The following CSTPP1 variants were observed in gnomAD, a reference collection of about 807,000 sequenced individuals.
CSTPP1 encodes the protein UPF0705 protein C11orf49.
the CSTPP1 span, among the ~76,000 whole-genome samples, chr11:47,051,382 C>A: frequency 1.8e-4 from 27 of 152,112 alleles, no homozygotes; most frequent in Non-Finnish European, 1.8e-4. Context: ...CAGGAAAACC[C>A]AAAGGCAATG....
chr11:46,992,844 A>G, the CSTPP1 span, among the ~76,000 whole-genome samples: 1 of 152,222 alleles, frequency 6.6e-6, no homozygotes, highest in East Asian at 1.9e-4. Context: ...ACTAGTTTAC[A>G]GTCCCACCAA....
chr11:47,134,710 G>A, the CSTPP1 span, among the ~76,000 whole-genome samples: 2 of 152,184 alleles, frequency 1.3e-5, no homozygotes, highest in African/African-American at 4.8e-5. Flanking sequence ...ATAATGGGGA[G>A]CCTGGAACAG....
At chr11:47,071,644 GCTTA>G in the CSTPP1 span, among the ~76,000 whole-genome samples, 1 of 152,106 alleles carries the variant, frequency 6.6e-6, no homozygotes, top group Non-Finnish European at 1.5e-5. Context: ...GCTGGGTCGT[GCTTA>G]CTTATATAGT....
chr11:47,106,485 A>G, the CSTPP1 span, among the ~76,000 whole-genome samples: 1 of 152,144 alleles, frequency 6.6e-6, no homozygotes, highest in African/African-American at 2.4e-5. Context: ...TCTACTAAAA[A>G]TACAAAAATT....
At chr11:46,990,042 C>G in the CSTPP1 span, among the ~76,000 whole-genome samples, 1 of 152,170 alleles carries the variant, frequency 6.6e-6, no homozygotes. Flanking sequence ...TTATCCAGTT[C>G]ACCTTGATGG....
At chr11:47,026,832 C>T in the CSTPP1 span, among the ~76,000 whole-genome samples, 3 of 152,068 alleles carry the variant, frequency 2.0e-5, no homozygotes, top group South Asian at 2.1e-4. Flanking sequence ...AAGTTGAGAT[C>T]GCAGCACCAC....
chr11:47,013,066 A>G, the CSTPP1 span, among the ~76,000 whole-genome samples: 1 of 147,160 alleles, frequency 6.8e-6, no homozygotes, highest in East Asian at 1.9e-4. Flanking sequence ...AATAACATAT[A>G]TATTTTATTA....
the CSTPP1 span, among the ~76,000 whole-genome samples, chr11:46,945,755 T>C: frequency 6.6e-6 from 1 of 152,224 alleles, no homozygotes; most frequent in African/African-American, 2.4e-5. Context: ...GGCATGAATA[T>C]ATGAATATAA....
At chr11:47,028,215 G>A in the CSTPP1 span, among the ~76,000 whole-genome samples, 1 of 152,122 alleles carries the variant, frequency 6.6e-6, no homozygotes, top group African/African-American at 2.4e-5. Context: ...GAGCCATCAC[G>A]CCCGGCCACA....
the CSTPP1 span, among the ~76,000 whole-genome samples, chr11:47,134,854 G>A: frequency 1.6e-4 from 25 of 152,154 alleles, no homozygotes; most frequent in Non-Finnish European, 3.7e-4. Context: ...CTCAGCAACA[G>A]CCAGGCTCAT....
the CSTPP1 span, chr11:47,155,187 T>G: frequency 6.2e-7 from 1 of 1,613,596 alleles, no homozygotes; most frequent in South Asian, 1.1e-5. Context: ...ATTGTGCTCA[T>G]GGACGATGCC....
At chr11:46,956,002 C>A in the CSTPP1 span, among the ~76,000 whole-genome samples, 3 of 144,996 alleles carry the variant, frequency 2.1e-5, no homozygotes, top group Non-Finnish European at 4.6e-5. Context: ...CCCCCCCCAC[C>A]AAAAAAAGAA....
the CSTPP1 span, among the ~76,000 whole-genome samples, chr11:46,981,184 T>C: frequency 6.6e-6 from 1 of 151,834 alleles, no homozygotes; most frequent in Non-Finnish European, 1.5e-5. Flanking sequence ...AGTAGGGAAA[T>C]ATTTACCATT....
the CSTPP1 span, among the ~76,000 whole-genome samples, chr11:47,079,608 CACCATTAAAAT>C: frequency 6.6e-6 from 1 of 152,198 alleles, no homozygotes; most frequent in African/African-American, 2.4e-5. Flanking sequence ...TAAATCCACT[CACCATTAAAAT>C]ACTTGCTAAT....
At chr11:47,009,580 T>C in the CSTPP1 span, among the ~76,000 whole-genome samples, 1 of 152,180 alleles carries the variant, frequency 6.6e-6, no homozygotes, top group Non-Finnish European at 1.5e-5. Flanking sequence ...GAGCATCAGC[T>C]GGGGTCAGGA....
At chr11:46,961,335 T>G in the CSTPP1 span, among the ~76,000 whole-genome samples, 1 of 152,178 alleles carries the variant, frequency 6.6e-6, no homozygotes, top group Non-Finnish European at 1.5e-5. Context: ...TGAGTGTCTT[T>G]TCATGTGTTT....
the CSTPP1 span, among the ~76,000 whole-genome samples, chr11:47,112,670 G>A: frequency 2.0e-5 from 3 of 152,186 alleles, no homozygotes; most frequent in East Asian, 5.8e-4. Context: ...CCCACTGCAA[G>A]ATAAGCTCCA....
the CSTPP1 span, among the ~76,000 whole-genome samples, chr11:47,035,670 T>A: frequency 6.6e-6 from 1 of 152,228 alleles, no homozygotes; most frequent in Non-Finnish European, 1.5e-5. Flanking sequence ...TCAGTTTTGC[T>A]AAATGTTAAC....
chr11:47,103,510 C>A, the CSTPP1 span, among the ~76,000 whole-genome samples: 1 of 151,950 alleles, frequency 6.6e-6, no homozygotes, highest in African/African-American at 2.4e-5. Context: ...AATAAACTTT[C>A]ATATATCCAA....
Sources: gnomAD v4.1 joint callset for allele counts (sites outside exome capture counted in the v4.1 genomes callset) on GRCh38, gnomAD v4.1.1 for gene constraint, MANE v1.5 for transcripts, NCBI Gene and HGNC (gene_info 2026-07-23, HGNC 2026-07-21) for gene names.